Variants in XKR6 observed in about 807,000 individuals in gnomAD.
XKR6 encodes XK-related protein 6.
In XKR6, 22 loss-of-function variants were observed where a neutral mutation model predicts 56.7. The observed-to-expected ratio is 0.39, with a 90% confidence interval of 0.28 to 0.55. XKR6 has a LOEUF of 0.55. XKR6 is among the 20% of genes least tolerant of loss of function. The pLI is 0.66. For missense variants in XKR6, 852 were observed against 889.0 expected (o/e 0.96, Z 0.53); for synonymous variants, 524 against 387.8 (o/e 1.35, Z -4.13).
At chr8:11,092,437 C>T (rs1424445341) in intron 1 of XKR6, among the ~76,000 whole-genome samples, 1 of 152,174 alleles carries the variant, frequency 6.6e-6, no homozygotes, top group Non-Finnish European at 1.5e-5. Context: ...CCAAATGGAA[C>T]ACTTTGACCT....
At chr8:11,143,797 G>A (rs112082679) in intron 1 of XKR6, among the ~76,000 whole-genome samples, 4,408 of 152,204 alleles carry the variant, frequency 0.029, 98 homozygotes, top group African/African-American at 0.06. Flanking sequence ...TACTTCATTC[G>A]ACTCTGAGGG....
At chr8:11,146,111 A>G (rs530194408) in intron 1 of XKR6, among the ~76,000 whole-genome samples, 1 of 152,348 alleles carries the variant, frequency 6.6e-6, no homozygotes, top group South Asian at 2.1e-4. Flanking sequence ...ACAAATAGTA[A>G]TAGAACAACT....
At chr8:11,152,844 T>C (rs1239678637) in intron 1 of XKR6, among the ~76,000 whole-genome samples, 1 of 152,072 alleles carries the variant, frequency 6.6e-6, no homozygotes, top group African/African-American at 2.4e-5. Context: ...TGATGAGAAG[T>C]TTCCTATGCA....
chr8:11,099,802 T>C (rs899695130), intron 1 of XKR6, among the ~76,000 whole-genome samples: 7 of 152,070 alleles, frequency 4.6e-5, no homozygotes, highest in African/African-American at 1.7e-4. Flanking sequence ...GAGGTCATGA[T>C]GGAGGTGATG....
chr8:10,924,835 C>A lies in XKR6; in HGVS notation c.765-5G>T. The A allele has an allele frequency of 6.2e-7, 1 of 1,610,332 alleles. No individual in the cohort carries two copies. The highest frequency in any genetic ancestry group is 8.5e-7 in the Non-Finnish European group (1 of 1,177,672). Reference sequence around the variant, plus strand: ...AGGTACATGGTGCGGATATACCTGCCCAGAGAGATGGGGAGAACACAGAGA... The same window carrying A: ...AGGTACATGGTGCGGATATACCTGCACAGAGAGATGGGGAGAACACAGAGA... On this transcript the variant is annotated splice_polypyrimidine_tract_variant and splice_region_variant and intron_variant, in intron 1 of 2. Coordinates refer to ENST00000416569, the MANE Select transcript of XKR6 (RefSeq NM_173683.4).
chr8:10,899,837 G>T (rs1165470928), intron 2 of XKR6, among the ~76,000 whole-genome samples: 1 of 152,104 alleles, frequency 6.6e-6, no homozygotes, highest in Non-Finnish European at 1.5e-5. Flanking sequence ...TACTCATATT[G>T]CCATAGAACA....
intron 1 of XKR6, among the ~76,000 whole-genome samples, chr8:10,966,210 T>A (rs1470770002): frequency 2.6e-5 from 4 of 152,060 alleles, no homozygotes; most frequent in Admixed American, 2.0e-4. Context: ...TCTCATTCAG[T>A]ATGTCGAGGG....
chr8:11,189,384 T>C (rs1316433428), intron 1 of XKR6, among the ~76,000 whole-genome samples: 1 of 152,236 alleles, frequency 6.6e-6, no homozygotes, highest in Non-Finnish European at 1.5e-5. Context: ...TATGTCATAA[T>C]TTTAATGTTA....
chr8:11,048,209 C>A (rs1034844679), intron 1 of XKR6, among the ~76,000 whole-genome samples: 1 of 152,144 alleles, frequency 6.6e-6, no homozygotes, highest in Non-Finnish European at 1.5e-5. Context: ...GCTGAACTTC[C>A]GTATCTCACC....
At chr8:11,088,362 C>T (rs549529716) in intron 1 of XKR6, among the ~76,000 whole-genome samples, 3 of 152,194 alleles carry the variant, frequency 2.0e-5, no homozygotes, top group Non-Finnish European at 2.9e-5. Flanking sequence ...TGTTTCATTA[C>T]GGACAATTTC....
chr8:10,965,629 G>C (rs1159553367), intron 1 of XKR6, among the ~76,000 whole-genome samples: 1 of 152,232 alleles, frequency 6.6e-6, no homozygotes, highest in African/African-American at 2.4e-5. Context: ...CAAACAGCTC[G>C]CTTGAGACTT....
rs117545546 is a variant in XKR6, at chr8:11,094,222, T to A, written c.764+106354A>T. Among the ~76,000 whole-genome samples, 1,337 of 152,114 alleles carry A rather than the reference T, an allele frequency of 8.8e-3. 7 individuals are homozygous for A. The highest frequency in any genetic ancestry group is 0.027 in the East Asian group (138 of 5,186). On this transcript the variant is annotated intron_variant, in intron 1 of 2. Transcript: ENST00000416569. ...AAACTTACAAAGGAGCAGAGCCAAG[T>A]TGCACATGATATATACATATATATG...
At chr8:10,978,123 G>A (rs529282463) in intron 1 of XKR6, among the ~76,000 whole-genome samples, 1 of 152,174 alleles carries the variant, frequency 6.6e-6, no homozygotes, top group South Asian at 2.1e-4. Flanking sequence ...TGAGGTCCTA[G>A]TGACACTCAA....
intron 1 of XKR6, among the ~76,000 whole-genome samples, chr8:11,027,574 T>C (rs905537420): frequency 2.6e-5 from 4 of 152,168 alleles, no homozygotes; most frequent in African/African-American, 9.7e-5. Flanking sequence ...AGAGAAGTAG[T>C]AAATTACTCC....
chr8:11,114,038 G>A, intron 1 of XKR6: 1 of 425,350 alleles, frequency 2.4e-6, no homozygotes, highest in Non-Finnish European at 4.6e-6. Flanking sequence ...TCAGAAATCA[G>A]ATGACCTCAA....
At chr8:10,917,413 TTA>T (rs1424483180) in intron 2 of XKR6, among the ~76,000 whole-genome samples, 1 of 152,206 alleles carries the variant, frequency 6.6e-6, no homozygotes, top group Non-Finnish European at 1.5e-5. Flanking sequence ...CCGTGCGACT[TTA>T]TGCAACATGT....
rs1475752628 is a variant in XKR6, at chr8:11,103,518, C to A, written c.764+97058G>T. Among the ~76,000 whole-genome samples the A allele has an allele frequency of 2.0e-5, 3 of 152,188 alleles. No homozygotes were observed. In the East Asian group the frequency reaches 5.8e-4, roughly 29 times the overall value. On this transcript the variant is annotated intron_variant, in intron 1 of 2. Transcript: ENST00000416569. Reference sequence around the variant, plus strand: ...CAATGATCTCAATATTTTCTAGATTCCACAAATGGGGCTTTTAAAATGGCA... The same window carrying A: ...CAATGATCTCAATATTTTCTAGATTACACAAATGGGGCTTTTAAAATGGCA...
In XKR6 at chr8:11,116,128, AT is replaced by A. The variant is rs1459065244; in HGVS notation, c.764+84447del. ...AAGTTTTAGATTTTGCTGCATTCAA[AT>A]TTTAAACATGGAAAACTGTATGCTG... On this transcript the variant is annotated intron_variant, in intron 1 of 2. Coordinates refer to ENST00000416569, the MANE Select transcript of XKR6 (RefSeq NM_173683.4). Among the ~76,000 whole-genome samples the A allele has an allele frequency of 4.6e-5, 7 of 152,304 alleles. 1 individual carries two copies. In the Middle Eastern group the frequency reaches 0.01, roughly 222 times the overall value.
chr8:11,035,931 G>C (rs928242260), intron 1 of XKR6, among the ~76,000 whole-genome samples: 1 of 147,032 alleles, frequency 6.8e-6, no homozygotes, highest in African/African-American at 2.5e-5. Context: ...TGAGTTACCT[G>C]TGAAAGTCTT....
Sources: allele counts gnomAD v4.1 joint callset (sites outside exome capture counted in the v4.1 genomes callset), GRCh38; gene constraint gnomAD v4.1.1; transcripts MANE v1.5; gene names NCBI Gene and HGNC (gene_info 2026-07-23, HGNC 2026-07-21).